The following CLVS1 variants were observed in gnomAD, a reference collection of about 807,000 sequenced individuals.
CLVS1 encodes clavesin 1.
Under a neutral mutation model 33.1 loss-of-function variants are expected in CLVS1, and 10 were observed. The observed-to-expected ratio is 0.30, with a 90% CI of 0.19 to 0.51. The LOEUF (loss-of-function observed/expected upper bound fraction) is 0.51. CLVS1 is among the 20% of genes least tolerant of loss of function. The pLI, the probability that CLVS1 is intolerant of heterozygous loss-of-function variation, is 0.97. For missense variants in CLVS1, 343 were observed against 433.4 expected (o/e 0.79, Z 1.85); for synonymous variants, 163 against 166.1 (o/e 0.98, Z 0.14).
chr8:61,136,731 T>C (rs1458951108), intron 2 of CLVS1, among the ~76,000 whole-genome samples: 1 of 152,118 alleles, frequency 6.6e-6, no homozygotes, highest in East Asian at 1.9e-4. Flanking sequence ...AAGTAACTAA[T>C]GGACACTAGA....
chr8:61,030,482 C>T, the CLVS1 span, among the ~76,000 whole-genome samples: 4 of 152,232 alleles, frequency 2.6e-5, no homozygotes, highest in South Asian at 8.3e-4. Flanking sequence ...CATCTTTGCA[C>T]ACATGGGCAT....
At chr8:60,978,590 G>A in the CLVS1 span, among the ~76,000 whole-genome samples, 23 of 151,916 alleles carry the variant, frequency 1.5e-4, no homozygotes, top group African/African-American at 4.8e-4. Flanking sequence ...CGAGGCAGGC[G>A]GATCACCTGA....
At chr8:60,979,943 C>A in the CLVS1 span, among the ~76,000 whole-genome samples, 1 of 152,254 alleles carries the variant, frequency 6.6e-6, no homozygotes, top group Non-Finnish European at 1.5e-5. Flanking sequence ...TTAACACTTA[C>A]TTCCTCTTGT....
chr8:61,031,859 G>A, the CLVS1 span, among the ~76,000 whole-genome samples: 1 of 152,072 alleles, frequency 6.6e-6, no homozygotes. Context: ...TAAATAAAAG[G>A]GAAAAATGGG....
At chr8:61,259,940 C>A (rs1413430101) in intron 2 of CLVS1, among the ~76,000 whole-genome samples, 1 of 152,192 alleles carries the variant, frequency 6.6e-6, no homozygotes, top group African/African-American at 2.4e-5. Flanking sequence ...ACATTTCCTC[C>A]TTTATCCAGT....
the CLVS1 span, among the ~76,000 whole-genome samples, chr8:61,047,476 T>C: frequency 6.6e-6 from 1 of 152,154 alleles, no homozygotes; most frequent in African/African-American, 2.4e-5. Context: ...CAAAGGACTA[T>C]AAAGACACAT....
chr8:61,421,887 C>G (rs188798437), intron 3 of CLVS1, among the ~76,000 whole-genome samples: 26 of 152,318 alleles, frequency 1.7e-4, no homozygotes, highest in African/African-American at 6.3e-4. Flanking sequence ...AAAGATCCAG[C>G]TAAAGCAGAC....
At chr8:61,166,797 T>C (rs3852340) in intron 2 of CLVS1, among the ~76,000 whole-genome samples, 64,246 of 151,454 alleles carry the variant, frequency 0.42, 15,774 homozygotes, top group Middle Eastern at 0.66. Flanking sequence ...TAAAACCTGG[T>C]AATAAAATAG....
At chr8:61,282,395 A>C (rs1471449061) in intron 2 of CLVS1, among the ~76,000 whole-genome samples, 1 of 152,166 alleles carries the variant, frequency 6.6e-6, no homozygotes, top group African/African-American at 2.4e-5. Context: ...ACCTGGTTAC[A>C]AGATCACAGG....
the CLVS1 span, among the ~76,000 whole-genome samples, chr8:60,985,059 C>T: frequency 6.6e-6 from 1 of 152,208 alleles, no homozygotes; most frequent in East Asian, 1.9e-4. Flanking sequence ...TCTTTTCCAA[C>T]CCTGAAAGCT....
At chr8:61,412,663 C>T (rs1023458156) in intron 3 of CLVS1, among the ~76,000 whole-genome samples, 6 of 152,226 alleles carry the variant, frequency 3.9e-5, no homozygotes, top group Non-Finnish European at 8.8e-5. Flanking sequence ...CGTTGCACCT[C>T]CACTGGTAAT....
intron 3 of CLVS1, among the ~76,000 whole-genome samples, chr8:61,452,961 A>T (rs1817015060): frequency 6.6e-6 from 1 of 151,930 alleles, no homozygotes; most frequent in Non-Finnish European, 1.5e-5. Context: ...AAAGTTAATA[A>T]CCTTTTTTCC....
intron 3 of CLVS1, among the ~76,000 whole-genome samples, chr8:61,418,736 G>A (rs1325905606): frequency 2.6e-5 from 4 of 152,200 alleles, no homozygotes; most frequent in African/African-American, 9.7e-5. Context: ...AGATGATCAG[G>A]TAGCTTGGAA....
At chr8:61,039,478 G>A in the CLVS1 span, among the ~76,000 whole-genome samples, 5 of 152,102 alleles carry the variant, frequency 3.3e-5, no homozygotes, top group African/African-American at 1.2e-4. Flanking sequence ...TCAGTACATG[G>A]CAAGGGTTTC....
rs1020221635 is a variant in CLVS1, at chr8:61,499,721, A to AGACTT, written c.*182_*186dup. On this transcript the variant is annotated 3_prime_UTR_variant, in exon 6 of 6. Coordinates refer to ENST00000325897, the MANE Select transcript of CLVS1 (RefSeq NM_173519.3). ...GGTCTGAGCAGCCAAAGTTGGACAA[A>AGACTT]GACTTGAGAGATGCTTTTTTTTTCC... The AGACTT allele has an allele frequency of 2.5e-4, 107 of 433,540 alleles. No individual in the cohort carries two copies. Among genetic ancestry groups the AGACTT allele is most frequent in the African/African-American group, 2.0e-3 (103 of 51,148 alleles). 26.9% of individuals were successfully genotyped at this position (433,540 alleles called of 1,614,324 possible).
chr8:61,478,237 C>A (rs557660085), intron 5 of CLVS1, among the ~76,000 whole-genome samples: 10 of 152,218 alleles, frequency 6.6e-5, no homozygotes, highest in Admixed American at 4.6e-4. Flanking sequence ...GTACTTCCAA[C>A]TATGTGGTCA....
chr8:61,399,085 T>C (rs1814648372), intron 3 of CLVS1, among the ~76,000 whole-genome samples: 1 of 152,220 alleles, frequency 6.6e-6, no homozygotes, highest in African/African-American at 2.4e-5. Flanking sequence ...AATTACTGGA[T>C]CAAATGGTGC....
At chr8:60,993,585 G>C in the CLVS1 span, among the ~76,000 whole-genome samples, 2 of 152,208 alleles carry the variant, frequency 1.3e-5, no homozygotes, top group African/African-American at 4.8e-5. Flanking sequence ...AAACCCTCAG[G>C]GGAGCCCTAA....
chr8:61,405,575 A>G (rs1470456114), intron 3 of CLVS1, among the ~76,000 whole-genome samples: 1 of 152,164 alleles, frequency 6.6e-6, no homozygotes, highest in Non-Finnish European at 1.5e-5. Context: ...GAAGTTTGAG[A>G]CCTGCCTAAG....
Sources: gnomAD v4.1 joint callset for allele counts (sites outside exome capture counted in the v4.1 genomes callset) on GRCh38, gnomAD v4.1.1 for gene constraint, MANE v1.5 for transcripts, NCBI Gene and HGNC (gene_info 2026-07-23, HGNC 2026-07-21) for gene names.